Variants in WIPF1 observed in about 807,000 individuals in gnomAD.
WIPF1 encodes the protein WAS/WASL-interacting protein family member 1.
WIPF1 carries 13 observed loss-of-function variants against 35.4 expected under a neutral mutation model. The observed-to-expected ratio is 0.37, with a 90% CI of 0.24 to 0.58. The LOEUF is 0.58. WIPF1 is among the 20% of genes least tolerant of loss of function. The probability of loss-of-function intolerance (pLI) is 0.74; values close to 1 mark genes in which losing one functional copy is unlikely to be tolerated. For synonymous variants in WIPF1, 267 were observed against 266.3 expected (o/e 1.00, Z -0.02); for missense variants, 591 against 667.0 (o/e 0.89, Z 1.25).
intron 1 of WIPF1, among the ~76,000 whole-genome samples, chr2:174,628,693 G>A (rs1686923102): frequency 6.6e-6 from 1 of 152,224 alleles, no homozygotes; most frequent in Admixed American, 6.5e-5. Flanking sequence ...CCAAGTCCTT[G>A]GGGCCCTTCA....
chr2:174,582,461 C>G (rs1203585478), intron 2 of WIPF1, among the ~76,000 whole-genome samples: 1 of 152,200 alleles, frequency 6.6e-6, no homozygotes, highest in African/African-American at 2.4e-5. Context: ...GCCCTTCTGA[C>G]AGGGATATGA....
chr2:174,665,447 G>C (rs930480846), intron 1 of WIPF1: 1 of 152,218 alleles, frequency 6.6e-6, no homozygotes, highest in Non-Finnish European at 1.5e-5. Flanking sequence ...GATTCAAAGA[G>C]TAAGGAAAAC....
intron 1 of WIPF1, among the ~76,000 whole-genome samples, chr2:174,617,623 G>C (rs1022106909): frequency 6.6e-6 from 1 of 152,194 alleles, no homozygotes; most frequent in Admixed American, 6.5e-5. Flanking sequence ...TGTGGACACA[G>C]GGAGTGGTGA....
At chr2:174,674,527 A>G (rs1260594342) in intron 1 of WIPF1, among the ~76,000 whole-genome samples, 1 of 152,240 alleles carries the variant, frequency 6.6e-6, no homozygotes, top group Admixed American at 6.5e-5. Flanking sequence ...TTTTATTTCA[A>G]TACAGAACAA....
chr2:174,661,545 G>A (rs995530743), intron 1 of WIPF1, among the ~76,000 whole-genome samples: 1 of 152,194 alleles, frequency 6.6e-6, no homozygotes, highest in Non-Finnish European at 1.5e-5. Context: ...TAGAAGCACT[G>A]CCCTCCCTTG....
chr2:174,630,945 G>A (rs144120738), intron 1 of WIPF1, among the ~76,000 whole-genome samples: 2 of 152,270 alleles, frequency 1.3e-5, no homozygotes, highest in Non-Finnish European at 2.9e-5. Context: ...TCAGAAGCAA[G>A]ACATGAACAT....
At chr2:174,680,024 A>G (rs1688215810) in intron 1 of WIPF1, among the ~76,000 whole-genome samples, 1 of 152,248 alleles carries the variant, frequency 6.6e-6, no homozygotes, top group East Asian at 1.9e-4. Flanking sequence ...TTAAGTGGAC[A>G]AACGAATGAA....
rs1038971503 is a variant in WIPF1 at position 174,560,195 on chromosome 2, T to C, written c.*2352A>G. ...TTACCACAGAACTTATTCATAGTTTTAGATGCAATTAGGTTGCAAACTTTC... is the reference window on the plus strand; with the variant it reads ...TTACCACAGAACTTATTCATAGTTTCAGATGCAATTAGGTTGCAAACTTTC... On this transcript the variant is annotated 3_prime_UTR_variant, in exon 8 of 8. Coordinates refer to ENST00000679041, the MANE Select transcript of WIPF1 (RefSeq NM_001375834.1). 6.6e-6 allele frequency: 1 copy of C among 152,630 alleles called. No homozygotes were observed. Among genetic ancestry groups the C allele is most frequent in the African/African-American group, 2.4e-5 (1 of 41,454 alleles). 9.5% of individuals were successfully genotyped at this position (152,630 alleles called of 1,614,324 possible).
At chr2:174,595,109 A>AAAAAAAAAT (rs1553529785) in intron 1 of WIPF1, among the ~76,000 whole-genome samples, 35 of 57,746 alleles carry the variant, frequency 6.1e-4, no homozygotes, top group Non-Finnish European at 7.3e-4. Context: ...AAAAAAAAAA[A>AAAAAAAAAT]ATATATATAT....
intron 3 of WIPF1, among the ~76,000 whole-genome samples, chr2:174,578,523 T>G (rs1027505118): frequency 1.3e-5 from 2 of 152,220 alleles, no homozygotes; most frequent in Non-Finnish European, 2.9e-5. Flanking sequence ...AATATATGCT[T>G]TTCTTAGAAA....
At chr2:174,652,716 C>T (rs1687558106) in intron 1 of WIPF1, among the ~76,000 whole-genome samples, 1 of 151,150 alleles carries the variant, frequency 6.6e-6, no homozygotes, top group Admixed American at 6.6e-5. Context: ...GTAAGTGTGG[C>T]TGGGGTAAGT....
chr2:174,678,715 G>A (rs1688186111), intron 1 of WIPF1, among the ~76,000 whole-genome samples: 1 of 152,262 alleles, frequency 6.6e-6, no homozygotes, highest in Admixed American at 6.5e-5. Flanking sequence ...GCCAGGAAAA[G>A]TGACAAGTCT....
At chr2:174,661,166 C>G (rs372685594) in intron 1 of WIPF1, among the ~76,000 whole-genome samples, 6 of 152,230 alleles carry the variant, frequency 3.9e-5, no homozygotes, top group Non-Finnish European at 8.8e-5. Flanking sequence ...GGGAGGCCAG[C>G]GTGCAGCAGG....
chr2:174,616,913 G>A (rs1316570305), intron 1 of WIPF1, among the ~76,000 whole-genome samples: 2 of 152,100 alleles, frequency 1.3e-5, no homozygotes, highest in Non-Finnish European at 2.9e-5. Flanking sequence ...GAAGCCCAAA[G>A]AGCCCTCTGG....
chr2:174,585,947 C>A (rs1247482965), intron 1 of WIPF1, among the ~76,000 whole-genome samples: 1 of 152,204 alleles, frequency 6.6e-6, no homozygotes. Flanking sequence ...GGCCAAGTTT[C>A]ACTGAAAACA....
intron 1 of WIPF1, among the ~76,000 whole-genome samples, chr2:174,589,661 C>A (rs1685544267): frequency 1.3e-5 from 2 of 152,232 alleles, no homozygotes; most frequent in Non-Finnish European, 2.9e-5. Context: ...TTCTACTAAG[C>A]ACTAACTGAA....
chr2:174,652,160 C>T (rs1687546002), intron 1 of WIPF1, among the ~76,000 whole-genome samples: 1 of 152,190 alleles, frequency 6.6e-6, no homozygotes, highest in African/African-American at 2.4e-5. Context: ...CTCCCTTGGT[C>T]AAAGTAGTCA....
chr2:174,659,378 T>C (rs1687710802), intron 1 of WIPF1, among the ~76,000 whole-genome samples: 1 of 152,216 alleles, frequency 6.6e-6, no homozygotes. Flanking sequence ...ATTTAAAGAA[T>C]ATAGTGCATG....
intron 1 of WIPF1, among the ~76,000 whole-genome samples, chr2:174,672,654 T>C (rs935444340): frequency 1.3e-5 from 2 of 152,204 alleles, no homozygotes; most frequent in African/African-American, 4.8e-5. Context: ...ACAACGTTGA[T>C]TGCATTGTTA....
Sources: allele counts gnomAD v4.1 joint callset (sites outside exome capture counted in the v4.1 genomes callset), GRCh38; gene constraint gnomAD v4.1.1; transcripts MANE v1.5; gene names NCBI Gene and HGNC (gene_info 2026-07-23, HGNC 2026-07-21).